ATG13: variants seen among roughly 807,000 people sequenced by gnomAD.
ATG13 encodes autophagy related 13.
A neutral mutation model predicts 65.5 loss-of-function variants in ATG13; 23 were observed. The ratio of observed to expected loss-of-function variants is 0.35; its 90% CI spans 0.25 to 0.50. ATG13 has a LOEUF of 0.50. Among genes scored for constraint, ATG13 ranks in the 20% least tolerant of loss-of-function variants. The probability of loss-of-function intolerance (pLI) is 0.98; values close to 1 mark genes in which losing one functional copy is unlikely to be tolerated. For missense variants in ATG13, 566 were observed against 677.0 expected (o/e 0.84, Z 1.82); for synonymous variants, 252 against 245.2 (o/e 1.03, Z -0.26).
intron 14 of ATG13, 102 bp downstream of exon 14, chr11:46,665,621 T>C: frequency 6.9e-7 from 1 of 1,448,188 alleles, no homozygotes; most frequent in Non-Finnish European, 9.3e-7. Flanking sequence ...ACTTTCAGCA[T>C]TGGCTGGGAC....
chr11:46,617,672 A>G lies in ATG13; in HGVS notation c.-288A>G, dbSNP rs2045735013. 2.7e-6 allele frequency: 1 copy of G among 376,840 alleles called. No homozygotes were observed. Among genetic ancestry groups the G allele is most frequent in the African/African-American group, 2.1e-5 (1 of 47,938 alleles). The allele number at this position is 376,840 out of a possible 1,614,324, so 23.3% of individuals were successfully genotyped here. On this transcript the variant is annotated 5_prime_UTR_variant, in exon 1 of 19. Coordinates refer to ENST00000683050, the MANE Select transcript of ATG13 (RefSeq NM_001346311.2). ...AGTGAGGGAAGCACTGAAGAGCGCCAGTCGACGTGGGTGCGACAACTCGCG... is the reference window on the plus strand; with the variant it reads ...AGTGAGGGAAGCACTGAAGAGCGCCGGTCGACGTGGGTGCGACAACTCGCG...
In ATG13 at chr11:46,672,405, G is replaced by A. The variant is rs1032944859; in HGVS notation, c.*73G>A. 36 of 1,610,550 alleles carry A rather than the reference G, an allele frequency of 2.2e-5. No homozygotes were observed. Among genetic ancestry groups the A allele is most frequent in the Non-Finnish European group, 3.0e-5 (35 of 1,177,872 alleles). On this transcript the variant is annotated 3_prime_UTR_variant, in exon 19 of 19. Transcript: ENST00000683050. ...ATAAGCAGCCTCCCATGCATCAGCT[G>A]CTCCCACCCCTCATCCTGCTCTGAG...
chr11:46,646,028 G>GAA, intron 5 of ATG13, 39 bp downstream of exon 5: 1 of 1,612,346 alleles, frequency 6.2e-7, no homozygotes, highest in Non-Finnish European at 8.5e-7. Flanking sequence ...ATTTAGCACT[G>GAA]AAGGCTCCTC....
chr11:46,645,797 C>A, intron 4 of ATG13, 73 bp from the exon 5 acceptor site: 1 of 1,586,148 alleles, frequency 6.3e-7, no homozygotes, highest in Non-Finnish European at 8.6e-7. Flanking sequence ...CTTGCATTAC[C>A]CAGCATACAC....
chr11:46,659,475 C>T lies in ATG13; in HGVS notation c.779C>T (p.Pro260Leu), dbSNP rs756242254. Reference protein sequence around the residue: ...EVCTTSFSTSPPSQCVFTVTK... With the variant: ...EVCTTSFSTSLPSQCVFTVTK... ...TGTACCACCTCTTTTTCCACCTCCC[C>T]ACCATCCCAGGTAGGGGGAAGCAGG... The change falls in exon 11 of 19, where the codon CCA (proline) becomes CTA (leucine). Residue 260 changes from proline to leucine, a missense_variant. Coordinates refer to ENST00000683050, the MANE Select transcript of ATG13 (RefSeq NM_001346311.2). The T allele has an allele frequency of 1.2e-6, 2 of 1,613,246 alleles. No homozygotes were observed. Among genetic ancestry groups the T allele is most frequent in the Non-Finnish European group, 1.7e-6 (2 of 1,179,166 alleles).
At chr11:46,656,541 G>T (rs2060081546) in intron 8 of ATG13, 1 of 327,510 alleles carries the variant, frequency 3.1e-6, no homozygotes, top group East Asian at 4.8e-5. Context: ...CAGTGAGGAT[G>T]TTAAATGTTT....
At chr11:46,655,095 T>C (rs1249728319) in intron 7 of ATG13, among the ~76,000 whole-genome samples, 1 of 147,084 alleles carries the variant, frequency 6.8e-6, no homozygotes, top group African/African-American at 2.5e-5. Context: ...CGAGACACTG[T>C]CTCAAAAAAA....
In ATG13 at chr11:46,617,639, G is replaced by A. The variant is rs946554628; in HGVS notation, c.-321G>A. On this transcript the variant is annotated 5_prime_UTR_variant, in exon 1 of 19. Transcript: ENST00000683050. ...TGCTGGGCTTAAGGCGGGAGTGACC[G>A]CTTAACCAGTGAGGGAAGCACTGAA... 6.8e-5 allele frequency: 22 copies of A among 322,660 alleles called. No homozygotes were observed. Among genetic ancestry groups the A allele is most frequent in the African/African-American group, 4.6e-4 (21 of 45,378 alleles). The allele number at this position is 322,660 out of a possible 1,614,324, so 20.0% of individuals were successfully genotyped here.
chr11:46,626,952 T>TTAAGAAA (rs1422238041), intron 1 of ATG13, among the ~76,000 whole-genome samples: 9 of 152,178 alleles, frequency 5.9e-5, no homozygotes, highest in Non-Finnish European at 8.8e-5. Context: ...CACTGTTAGT[T>TTAAGAAA]TAAGAAATAA....
intron 18 of ATG13, among the ~76,000 whole-genome samples, chr11:46,670,345 G>A (rs540244451): frequency 6.6e-6 from 1 of 151,872 alleles, no homozygotes; most frequent in Admixed American, 6.6e-5. Flanking sequence ...GCCAGGCATG[G>A]TGGCGGGCAC....
At chr11:46,627,357 C>T (rs1368919455) in intron 1 of ATG13, among the ~76,000 whole-genome samples, 3 of 151,664 alleles carry the variant, frequency 2.0e-5, no homozygotes, top group Non-Finnish European at 2.9e-5. Context: ...CCATCCAGGG[C>T]GACAGAGCAA....
rs1366781591 is a variant in ATG13, at chr11:46,673,505, T to A, written c.*1173T>A. On this transcript the variant is annotated 3_prime_UTR_variant, in exon 19 of 19. Transcript: ENST00000683050. Reference sequence around the variant, plus strand: ...GGCCACATGTAGTGGTTAGGGGATGTTGTGTGTGTCCCCCAACTGCCTGGG... The same window carrying A: ...GGCCACATGTAGTGGTTAGGGGATGATGTGTGTGTCCCCCAACTGCCTGGG... 3 of 152,238 alleles carry A rather than the reference T, an allele frequency of 2.0e-5. No homozygotes were observed. Among genetic ancestry groups the A allele is most frequent in the African/African-American group, 7.2e-5 (3 of 41,440 alleles). 9.4% of individuals were successfully genotyped at this position (152,238 alleles called of 1,614,324 possible).
chr11:46,663,916 T>G, intron 11 of ATG13, 81 bp from the exon 12 acceptor site: 7 of 1,062,832 alleles, frequency 6.6e-6, no homozygotes, highest in Non-Finnish European at 9.4e-6. Context: ...CCTTCCAGAG[T>G]TTCTTCACTT....
chr11:46,626,120 T>A (rs2049508760), intron 1 of ATG13, among the ~76,000 whole-genome samples: 1 of 152,116 alleles, frequency 6.6e-6, no homozygotes, highest in East Asian at 1.9e-4. Context: ...CACGCCCAGC[T>A]AATTTTTTGT....
At position 46,668,865 on chromosome 11, in the gene ATG13, G is replaced by A. The variant is rs200035931; in HGVS notation, c.1401G>A (p.Gly467=). Residue 467 remains glycine (G), a synonymous_variant, in exon 17 of 19, where the codon GGG becomes GGA. Transcript: ENST00000683050. ...QGSLHSDGSS[G]GSSGNTHDDF... ...GCCTGCACTCAGATGGCTCCAGCGG[G>A]GGCAGCAGTGGCAATACCCATGATG... 10 of 1,613,962 alleles carry A rather than the reference G, an allele frequency of 6.2e-6. No individual in the cohort carries two copies. The highest frequency in any genetic ancestry group is 8.5e-6 in the Non-Finnish European group (10 of 1,180,014).
intron 6 of ATG13, 103 bp from the exon 7 acceptor site, chr11:46,650,074 T>G: frequency 7.7e-7 from 1 of 1,296,224 alleles, no homozygotes; most frequent in Non-Finnish European, 1.1e-6. Flanking sequence ...AAGGTGTAAT[T>G]AGAGTTCTCT....
At chr11:46,656,978 T>A (rs1489665034) in intron 8 of ATG13, 117 bp from the exon 9 acceptor site, 2 of 829,644 alleles carry the variant, frequency 2.4e-6, no homozygotes, top group Non-Finnish European at 4.1e-6. Context: ...GCACTTAACA[T>A]GCTAAGTGGA....
intron 7 of ATG13, among the ~76,000 whole-genome samples, chr11:46,653,911 A>G (rs1035875898): frequency 2.0e-5 from 3 of 152,120 alleles, no homozygotes; most frequent in Non-Finnish European, 4.4e-5. Context: ...TTATTGAATA[A>G]ACCCATGTGT....
At chr11:46,648,151 A>G (rs922990582) in intron 5 of ATG13, among the ~76,000 whole-genome samples, 4 of 148,386 alleles carry the variant, frequency 2.7e-5, no homozygotes, top group Non-Finnish European at 5.9e-5. Flanking sequence ...GCTGGAGTGC[A>G]GTGGCACGAT....
Sources: gnomAD v4.1 joint callset for allele counts (sites outside exome capture counted in the v4.1 genomes callset) on GRCh38, gnomAD v4.1.1 for gene constraint, MANE v1.5 for transcripts, NCBI Gene and HGNC (gene_info 2026-07-23, HGNC 2026-07-21) for gene names.